The following LSM14A variants were observed in gnomAD, a reference collection of about 807,000 sequenced individuals.
LSM14A encodes the protein protein LSM14 homolog A.
In LSM14A, 14 loss-of-function variants were observed where a neutral mutation model predicts 52.4. The observed-to-expected ratio is 0.27, with a 90% CI of 0.18 to 0.42. The LOEUF is 0.42. LSM14A is among the 10% of genes least tolerant of loss of function. The pLI is 1.00. For missense variants in LSM14A, 417 were observed against 581.8 expected, an observed-to-expected ratio of 0.72 and a Z score of 2.91; for synonymous variants, 185 against 200.3, an observed-to-expected ratio of 0.92 and a Z score of 0.64.
At chr19:34,217,136 G>C (rs1217325725) in intron 6 of LSM14A, among the ~76,000 whole-genome samples, 1 of 151,904 alleles carries the variant, frequency 6.6e-6, no homozygotes, top group Non-Finnish European at 1.5e-5. Flanking sequence ...GCACACGCCT[G>C]TAGTCCCAGC....
At chr19:34,179,676 GA>G (rs919642787) in intron 1 of LSM14A, among the ~76,000 whole-genome samples, 6 of 151,570 alleles carry the variant, frequency 4.0e-5, no homozygotes, top group African/African-American at 1.5e-4. Context: ...GCATAAAACT[GA>G]AGAAAAAAAA....
intron 3 of LSM14A, among the ~76,000 whole-genome samples, chr19:34,203,904 T>TA (rs199861783): frequency 0.051 from 6,479 of 126,040 alleles, 385 homozygotes; most frequent in African/African-American, 0.16. Flanking sequence ...AGACTGAATT[T>TA]AAAAAAAAAA....
intron 3 of LSM14A, 64 bp downstream of exon 3, chr19:34,196,827 T>A: frequency 7.1e-7 from 1 of 1,404,998 alleles, no homozygotes; most frequent in Non-Finnish European, 9.7e-7. Context: ...CACAAAGGTA[T>A]AGAAACTCAA....
rs937342403 is a variant in LSM14A, at chr19:34,207,236, G to C, written c.416-1693G>C. Reference sequence around the variant, plus strand: ...CTAACCATTGAATGCGTAATCCAGAGGACAAGCAATGGGAGGCCAAGCCAG... The same window carrying C: ...CTAACCATTGAATGCGTAATCCAGACGACAAGCAATGGGAGGCCAAGCCAG... On this transcript the variant is annotated intron_variant, in intron 3 of 9. Coordinates refer to ENST00000544216, the MANE Select transcript of LSM14A (RefSeq NM_015578.4). Among the ~76,000 whole-genome samples the C allele has an allele frequency of 3.9e-5, 6 of 152,246 alleles. No individual in the cohort carries two copies. The South Asian group carries it at 1.2e-3, about 32-fold the overall frequency.
chr19:34,187,205 C>T lies in LSM14A; in HGVS notation c.122-7273C>T, dbSNP rs185679428. Among the ~76,000 whole-genome samples the T allele has an allele frequency of 8.7e-4, 131 of 150,748 alleles. No individual in the cohort carries two copies. In the Middle Eastern group the frequency reaches 0.01, roughly 12 times the overall value. ...CAGAGGTTGCGGTGAGACGAGATCG[C>T]GCCACTGCACTCCAGCCTAAGCAAC... On this transcript the variant is annotated intron_variant, in intron 1 of 9. Coordinates refer to ENST00000544216, the MANE Select transcript of LSM14A (RefSeq NM_015578.4).
Position 34,215,591 on chromosome 19 carries a change from T to C in LSM14A, c.716-5T>C. 6.2e-7 allele frequency: 1 copy of C among 1,610,522 alleles called. No individual in the cohort carries two copies. The highest frequency in any genetic ancestry group is 8.5e-7 in the Non-Finnish European group (1 of 1,176,918). ...ATTTGGCACTTTGCATGTCTTCTTC[T>C]GTAGCTGAAGTACACAAAGTTTCAA... On this transcript the variant is annotated splice_region_variant and splice_polypyrimidine_tract_variant and intron_variant, in intron 5 of 9. Transcript: ENST00000544216.
At chr19:34,226,533 G>T in intron 9 of LSM14A, 1 of 1,303,920 alleles carries the variant, frequency 7.7e-7, no homozygotes. Flanking sequence ...TCATCTTGTA[G>T]CTCATTGCTG....
rs1364655121 is a variant in LSM14A at position 34,213,969 on chromosome 19, G to A, written c.539-1155G>A. Among the ~76,000 whole-genome samples the A allele has an allele frequency of 2.6e-5, 4 of 151,946 alleles. No homozygotes were observed. The East Asian group carries it at 7.8e-4, about 30-fold the overall frequency. On this transcript the variant is annotated intron_variant, in intron 4 of 9. Coordinates refer to ENST00000544216, the MANE Select transcript of LSM14A (RefSeq NM_015578.4). ...CTAATTTTTGTATTTTTTTTGTAGA[G>A]ACAGGCTTTCGCCATGTTGTTCAGG...
chr19:34,194,945 C>G (rs1052453141), intron 2 of LSM14A, among the ~76,000 whole-genome samples: 4 of 151,992 alleles, frequency 2.6e-5, no homozygotes, highest in African/African-American at 9.7e-5. Context: ...GAGGTTGGTA[C>G]TATAATTATT....
At chr19:34,192,666 A>T (rs1366656363) in intron 1 of LSM14A, among the ~76,000 whole-genome samples, 1 of 134,874 alleles carries the variant, frequency 7.4e-6, no homozygotes, top group Non-Finnish European at 1.6e-5. Context: ...AAAAAAAAAA[A>T]AGCGTATGCA....
chr19:34,211,094 G>A (rs1261821364), intron 4 of LSM14A, among the ~76,000 whole-genome samples: 1 of 151,758 alleles, frequency 6.6e-6, no homozygotes, highest in Non-Finnish European at 1.5e-5. Context: ...CCTGAGGTCA[G>A]GGGTTCGAGA....
chr19:34,213,824 C>T (rs188394175), intron 4 of LSM14A, among the ~76,000 whole-genome samples: 6 of 152,270 alleles, frequency 3.9e-5, no homozygotes, highest in Admixed American at 1.3e-4. Flanking sequence ...TTTTGTCACC[C>T]AGGCTGGATG....
intron 1 of LSM14A, 94 bp from the exon 2 acceptor site, chr19:34,194,384 C>T: frequency 2.7e-6 from 3 of 1,127,672 alleles, no homozygotes; most frequent in South Asian, 2.9e-5. Context: ...TTCAGAACTA[C>T]TGCTTAGTAC....
chr19:34,196,796 T>C (rs762658521), intron 3 of LSM14A, 33 bp downstream of exon 3: 1 of 1,570,944 alleles, frequency 6.4e-7, no homozygotes, highest in Non-Finnish European at 8.6e-7. Flanking sequence ...TTTTTTGTTT[T>C]TGTATTCTTC....
chr19:34,176,794 T>C (rs1158385301), intron 1 of LSM14A, among the ~76,000 whole-genome samples: 3 of 152,252 alleles, frequency 2.0e-5, no homozygotes, highest in Admixed American at 2.0e-4. Flanking sequence ...ATTATATACT[T>C]AGAATTTGAA....
chr19:34,226,498 GTTGGCT>G, intron 9 of LSM14A: 1 of 1,494,412 alleles, frequency 6.7e-7, no homozygotes, highest in Non-Finnish European at 8.9e-7. Flanking sequence ...AGGTGTGAAG[GTTGGCT>G]TTGTGGGGGA....
chr19:34,192,319 G>GTTTTTTTTTTT lies in LSM14A; in HGVS notation c.122-2146_122-2136dup, dbSNP rs71165632. ...ACACTGAAATAACATTCTTTTTGTTGTTTTTTTTTTTTTTTTTTTTTTTGG... is the reference window on the plus strand; with the variant it reads ...ACACTGAAATAACATTCTTTTTGTTGTTTTTTTTTTTTTTTTTTTTTTTTTTTTTTTTTTGG... On this transcript the variant is annotated intron_variant, in intron 1 of 9. Coordinates refer to ENST00000544216, the MANE Select transcript of LSM14A (RefSeq NM_015578.4). Among the ~76,000 whole-genome samples the GTTTTTTTTTTT allele has an allele frequency of 1.2e-3, 66 of 53,408 alleles. 5 individuals are homozygous for GTTTTTTTTTTT. The highest frequency in any genetic ancestry group is 2.2e-3 in the East Asian group (4 of 1,848). 35.0% of individuals were successfully genotyped at this position (53,408 alleles called of 152,430 possible).
intron 9 of LSM14A, chr19:34,226,472 A>C (rs765558032): frequency 6.6e-7 from 1 of 1,524,112 alleles, no homozygotes; most frequent in Non-Finnish European, 8.8e-7. Context: ...AAGGTAAAAA[A>C]AACAAATACT....
Position 34,172,555 on chromosome 19 carries a change from C to T in LSM14A, c.-88C>T, listed in dbSNP as rs1390946448. 8.6e-6 allele frequency: 12 copies of T among 1,400,232 alleles called. No individual in the cohort carries two copies. Among genetic ancestry groups the T allele is most frequent in the African/African-American group, 4.6e-5 (3 of 65,848 alleles). 86.7% of individuals were successfully genotyped at this position (1,400,232 alleles called of 1,614,324 possible). On this transcript the variant is annotated 5_prime_UTR_variant, in exon 1 of 10. Coordinates refer to ENST00000544216, the MANE Select transcript of LSM14A (RefSeq NM_015578.4). ...GGGTCTGAAGCGGCTGCTGTAGGCG[C>T]CGACGGAGCGAGCGGGCGTGCGGAG...
Sources: gnomAD v4.1 joint callset for allele counts (sites outside exome capture counted in the v4.1 genomes callset) on GRCh38, gnomAD v4.1.1 for gene constraint, MANE v1.5 for transcripts, NCBI Gene and HGNC (gene_info 2026-07-23, HGNC 2026-07-21) for gene names.